The following AVEN variants were observed in gnomAD, a reference collection of about 807,000 sequenced individuals.
AVEN encodes the protein cell death regulator Aven.
A neutral mutation model predicts 38.1 loss-of-function variants in AVEN; 41 were observed. That is an observed-to-expected ratio of 1.08 (90% CI 0.84 to 1.40). The LOEUF (loss-of-function observed/expected upper bound fraction) is 1.40. Among genes scored for constraint, AVEN ranks in the 40% most tolerant of loss-of-function variants. The pLI is 0.00. For missense variants in AVEN, 605 were observed against 438.8 expected (o/e 1.38, Z -3.38); for synonymous variants, 206 against 171.8 (o/e 1.20, Z -1.56).
At chr15:34,022,917 G>C (rs1405321731) in intron 1 of AVEN, among the ~76,000 whole-genome samples, 1 of 152,226 alleles carries the variant, frequency 6.6e-6, no homozygotes, top group East Asian at 1.9e-4. Flanking sequence ...GCCGGGCGCG[G>C]TGGCTCACGC....
At position 33,879,579 on chromosome 15, in the gene AVEN, A is replaced by C. The variant is rs565953420; in HGVS notation, c.446-3584T>G. 7.9e-5 allele frequency among the ~76,000 whole-genome samples: 12 copies of C among 152,310 alleles called. No individual in the cohort carries two copies. The East Asian group carries it at 2.3e-3, about 29-fold the overall frequency. ...ATAAAATAAAAAAAAGAAGATAGTG[A>C]AGCAATGTCTCGAAAATAATAACAT... On this transcript the variant is annotated intron_variant, in intron 2 of 5. Coordinates refer to ENST00000306730, the MANE Select transcript of AVEN (RefSeq NM_020371.3).
chr15:33,912,239 G>A (rs1228492172), intron 2 of AVEN, among the ~76,000 whole-genome samples: 1 of 151,980 alleles, frequency 6.6e-6, no homozygotes. Context: ...CTTTAGAAGA[G>A]GCATAAATAT....
intron 1 of AVEN, among the ~76,000 whole-genome samples, chr15:34,014,807 T>C (rs1284877692): frequency 6.6e-6 from 1 of 152,186 alleles, no homozygotes; most frequent in East Asian, 1.9e-4. Flanking sequence ...ATGTGGCCCC[T>C]TGACCTCTCA....
chr15:34,038,478 T>C (rs1417560013), intron 1 of AVEN, among the ~76,000 whole-genome samples: 1 of 152,036 alleles, frequency 6.6e-6, no homozygotes, highest in Non-Finnish European at 1.5e-5. Context: ...CTTGCAGCCC[T>C]GACACACGGC....
At chr15:33,982,453 C>T (rs1006926970) in intron 2 of AVEN, among the ~76,000 whole-genome samples, 2 of 152,140 alleles carry the variant, frequency 1.3e-5, no homozygotes, top group Admixed American at 6.5e-5. Flanking sequence ...TCTGATAATA[C>T]TACTAAAATA....
chr15:33,949,936 C>T (rs1318273806), intron 2 of AVEN, among the ~76,000 whole-genome samples: 1 of 151,986 alleles, frequency 6.6e-6, no homozygotes, highest in African/African-American at 2.4e-5. Context: ...GCACTATTCA[C>T]GATAGCCAAG....
intron 2 of AVEN, among the ~76,000 whole-genome samples, chr15:33,903,592 T>C (rs1434846930): frequency 6.6e-6 from 1 of 152,216 alleles, no homozygotes; most frequent in East Asian, 1.9e-4. Context: ...ACTACAAGTT[T>C]CCTCAAAGCA....
chr15:33,918,101 TTTTTA>T (rs1220513634), intron 2 of AVEN, among the ~76,000 whole-genome samples: 1 of 152,236 alleles, frequency 6.6e-6, no homozygotes, highest in East Asian at 1.9e-4. Flanking sequence ...TTTTTTCTAC[TTTTTA>T]TTTTGTTTCA....
Position 34,063,328 on chromosome 15 carries a change from T to C in AVEN, n.1231A>G. The C allele has an allele frequency of 6.2e-7, 1 of 1,614,128 alleles. No homozygotes were observed. Among genetic ancestry groups the C allele is most frequent in the Non-Finnish European group, 8.5e-7 (1 of 1,180,030 alleles). On this transcript the variant is annotated non_coding_transcript_exon_variant, in exon 5 of 12. Transcript: ENST00000675287. This position sits in a 1 kb window ranked among gnomAD's most constrained non-coding sequence, Gnocchi z 4.1. ...GGCACTGCCATTGCTGCCTTCTACA[T>C]CCCTGTTTCTGTCATGACCATCCTC...
intron 1 of AVEN, among the ~76,000 whole-genome samples, chr15:34,004,922 G>C (rs988656143): frequency 6.6e-6 from 1 of 151,854 alleles, no homozygotes; most frequent in Non-Finnish European, 1.5e-5. Context: ...AAAAAAATGA[G>C]TAAAATTATT....
chr15:33,930,746 G>A (rs1341825425), intron 2 of AVEN, among the ~76,000 whole-genome samples: 1 of 152,102 alleles, frequency 6.6e-6, no homozygotes, highest in Non-Finnish European at 1.5e-5. Context: ...ACGAGGTCAG[G>A]AGATTGAAAC....
intron 1 of AVEN, among the ~76,000 whole-genome samples, chr15:34,023,348 T>C (rs1266588596): frequency 6.6e-6 from 1 of 152,204 alleles, no homozygotes; most frequent in Admixed American, 6.5e-5. Flanking sequence ...AAATAGGCTG[T>C]GGTGGGCTAA....
At chr15:34,027,528 CAA>C (rs35780353) in intron 1 of AVEN, among the ~76,000 whole-genome samples, 4 of 132,558 alleles carry the variant, frequency 3.0e-5, no homozygotes, top group African/African-American at 2.8e-5. Context: ...GACTCTGTCT[CAA>C]AAAAAAAAAA....
At position 33,860,658 on chromosome 15, in the gene AVEN, A is replaced by T. The variant is rs762779460; in HGVS notation, n.2730-1564T>A. 1.9e-6 allele frequency: 3 copies of T among 1,584,634 alleles called. No homozygotes were observed. The East Asian group carries it at 6.8e-5, about 36-fold the overall frequency. ...CAGGAACAAGTACGAGAAGATATGG[A>T]GGTAATGTTACTCTAACTACTAATC... On this transcript the variant is annotated intron_variant and non_coding_transcript_variant, in intron 11 of 11. Coordinates refer to the AVEN transcript ENST00000675287.
intron 2 of AVEN, among the ~76,000 whole-genome samples, chr15:33,970,464 ACTT>A (rs1895586452): frequency 2.0e-5 from 3 of 152,020 alleles, no homozygotes; most frequent in Admixed American, 2.0e-4. Flanking sequence ...ATCTCAAAAT[ACTT>A]CTTATGCATA....
chr15:33,876,929 T>A (rs16958178), intron 2 of AVEN, among the ~76,000 whole-genome samples: 14,551 of 152,128 alleles, frequency 0.096, 2,123 homozygotes, highest in African/African-American at 0.32. Context: ...ATAAATTTAA[T>A]CTCCTTCCCA....
intron 5 of AVEN, 24 bp downstream of exon 5, chr15:33,867,471 C>T (rs755823808): frequency 1.2e-5 from 19 of 1,542,180 alleles, no homozygotes; most frequent in South Asian, 2.6e-5. Flanking sequence ...TCAAGATTCA[C>T]GGGGAATAAA....
chr15:34,057,434 G>C (rs1017682885), intron 5 of AVEN, among the ~76,000 whole-genome samples: 1 of 151,996 alleles, frequency 6.6e-6, no homozygotes, highest in Non-Finnish European at 1.5e-5. Flanking sequence ...GAGCCACTGT[G>C]CCCAGCCAGA....
At chr15:33,971,257 T>G (rs934989889) in intron 2 of AVEN, among the ~76,000 whole-genome samples, 6 of 152,076 alleles carry the variant, frequency 3.9e-5, no homozygotes, top group Non-Finnish European at 5.9e-5. Flanking sequence ...TACTTGTTTC[T>G]GCAATTTAGA....
Sources: allele counts gnomAD v4.1 joint callset (sites outside exome capture counted in the v4.1 genomes callset), GRCh38; gene constraint gnomAD v4.1.1; non-coding constraint Gnocchi (gnomAD v3.1); transcripts MANE v1.5; gene names NCBI Gene and HGNC (gene_info 2026-07-23, HGNC 2026-07-21).